SMU1: variants seen among roughly 807,000 people sequenced by gnomAD.
SMU1 encodes the protein SMU1 DNA replication regulator and spliceosomal factor.
Under a neutral mutation model 62.0 loss-of-function variants are expected in SMU1, and 2 were observed. The observed-to-expected ratio is 0.03, with a 90% CI of 0.01 to 0.10. The LOEUF is 0.10. SMU1 is among the 10% of genes least tolerant of loss of function. SMU1 has a pLI of 1.00. For synonymous variants in SMU1, 188 were observed against 212.4 expected (o/e 0.89, Z 1.00); for missense variants, 227 against 622.1 (o/e 0.36, Z 6.76).
intron 5 of SMU1, 86 bp from the exon 6 acceptor site, chr9:33,060,670 C>T: frequency 6.4e-7 from 1 of 1,552,738 alleles, no homozygotes; most frequent in Non-Finnish European, 8.8e-7. Flanking sequence ...AGAAACCCTG[C>T]CCTAGCATAA....
chr9:33,069,372 C>T (rs1055941891), intron 3 of SMU1, among the ~76,000 whole-genome samples: 10 of 152,220 alleles, frequency 6.6e-5, no homozygotes, highest in African/African-American at 2.4e-4. Flanking sequence ...AAATCCTGTC[C>T]TGGTAATCTA....
chr9:33,052,615 A>G (rs915670828), intron 10 of SMU1, among the ~76,000 whole-genome samples: 5 of 152,152 alleles, frequency 3.3e-5, no homozygotes, highest in African/African-American at 1.2e-4. Context: ...TGGGTCCTCA[A>G]ACTTGATGCT....
chr9:33,049,800 T>C (rs917619400), intron 10 of SMU1, among the ~76,000 whole-genome samples: 3 of 119,208 alleles, frequency 2.5e-5, no homozygotes, highest in Non-Finnish European at 3.9e-5. Context: ...AAGTCGGGCA[T>C]GGTGGCACGT....
At chr9:33,050,526 T>TAAAAAAAAAAAA (rs572118083) in intron 10 of SMU1, among the ~76,000 whole-genome samples, 1 of 99,894 alleles carries the variant, frequency 1.0e-5, no homozygotes. Context: ...ATTAAGCACT[T>TAAAAAAAAAAAA]AAAAAAAAAA....
chr9:33,076,438 C>T, intron 1 of SMU1, 145 bp downstream of exon 1: 1 of 995,142 alleles, frequency 1.0e-6, no homozygotes, highest in Non-Finnish European at 1.5e-6. Context: ...TCCGAGGTAG[C>T]GAGATCCAAG....
intron 4 of SMU1, among the ~76,000 whole-genome samples, chr9:33,065,180 T>C (rs940562846): frequency 6.6e-6 from 1 of 152,246 alleles, no homozygotes; most frequent in African/African-American, 2.4e-5. Context: ...CAAGGGCCTA[T>C]ACTGCAAGTT....
chr9:33,073,456 TAC>T, intron 2 of SMU1, 138 bp downstream of exon 2: 1 of 602,224 alleles, frequency 1.7e-6, no homozygotes, highest in Admixed American at 3.1e-5. Flanking sequence ...GGAGAAAAAA[TAC>T]AATGTCAAGC....
intron 6 of SMU1, 97 bp from the exon 7 acceptor site, chr9:33,057,811 A>G: frequency 6.7e-7 from 1 of 1,494,036 alleles, no homozygotes; most frequent in Middle Eastern, 1.8e-4. Context: ...GATTGTACCT[A>G]CTCTAAACCC....
intron 8 of SMU1, among the ~76,000 whole-genome samples, chr9:33,056,469 G>GTGGTAT (rs1362984390): frequency 6.6e-6 from 1 of 152,156 alleles, no homozygotes; most frequent in East Asian, 1.9e-4. Flanking sequence ...ACAAGCTTCT[G>GTGGTAT]TTCAGGGACA....
intron 2 of SMU1, 101 bp from the exon 3 acceptor site, chr9:33,071,993 A>C: frequency 1.7e-6 from 2 of 1,204,086 alleles, no homozygotes; most frequent in Non-Finnish European, 2.2e-6. Flanking sequence ...GGCCTGTCAA[A>C]GGATTTCCAA....
chr9:33,048,298 A>T (rs770231164), intron 10 of SMU1, 40 bp from the exon 11 acceptor site: 2 of 1,610,952 alleles, frequency 1.2e-6, no homozygotes, highest in African/African-American at 1.3e-5. Flanking sequence ...CATCAGGATT[A>T]GTAGCAGCTC....
Position 33,062,256 on chromosome 9 carries a change from G to A in SMU1, c.502-79C>T, listed in dbSNP as rs74679610. ...TCATAAGTGCTCAGAAACCAAGCCC[G>A]AAAGGATGAGGTTCAGAGAAAGCTG... is the stretch of plus-strand genomic sequence containing the variant. On this transcript the variant is annotated intron_variant, in intron 4 of 11. Transcript: ENST00000397149. The A allele has an allele frequency of 8.0e-3, 12,100 of 1,512,170 alleles. 721 individuals are homozygous for A. In the African/African-American group the frequency reaches 0.14, roughly 17 times the overall value. 93.7% of individuals were successfully genotyped at this position (1,512,170 alleles called of 1,614,324 possible).
intron 4 of SMU1, among the ~76,000 whole-genome samples, chr9:33,064,042 A>G (rs1285201438): frequency 6.6e-6 from 1 of 152,050 alleles, no homozygotes; most frequent in Non-Finnish European, 1.5e-5. Flanking sequence ...CTCACCAATT[A>G]GTGAGCTTTA....
chr9:33,060,898 G>A (rs550699681), intron 5 of SMU1, among the ~76,000 whole-genome samples: 1 of 152,188 alleles, frequency 6.6e-6, no homozygotes, highest in African/African-American at 2.4e-5. Context: ...AGACTGTAAT[G>A]TTTTGCTAGA....
chr9:33,065,268 C>G (rs144506240), intron 4 of SMU1, among the ~76,000 whole-genome samples: 1 of 152,140 alleles, frequency 6.6e-6, no homozygotes, highest in Non-Finnish European at 1.5e-5. Flanking sequence ...CTACCCCAGC[C>G]CCCAACAAAT....
At chr9:33,073,269 G>A (rs1407465826) in intron 2 of SMU1, among the ~76,000 whole-genome samples, 1 of 151,756 alleles carries the variant, frequency 6.6e-6, no homozygotes, top group Non-Finnish European at 1.5e-5. Flanking sequence ...GTGGTGGTGC[G>A]TGCCTGTGTT....
In SMU1 at chr9:33,044,042, A is replaced by C. The variant is rs1020047418; in HGVS notation, c.*3251T>G. On this transcript the variant is annotated 3_prime_UTR_variant, in exon 12 of 12. Transcript: ENST00000397149. ...ATACTACTCCCAAATACCTCCGCGC[A>C]ATGTTTTCCAGTCATTAATTCAACA... 2.6e-5 allele frequency: 4 copies of C among 151,402 alleles called. No homozygotes were observed. The highest frequency in any genetic ancestry group is 4.4e-5 in the Non-Finnish European group (3 of 67,902). The allele number at this position is 151,402 out of a possible 1,614,324, so 9.4% of individuals were successfully genotyped here.
intron 4 of SMU1, among the ~76,000 whole-genome samples, chr9:33,065,297 C>T (rs1839407595): frequency 6.6e-6 from 1 of 152,146 alleles, no homozygotes; most frequent in South Asian, 2.1e-4. Context: ...CTTATATTTT[C>T]TACCAAGTCA....
intron 2 of SMU1, 71 bp downstream of exon 2, chr9:33,073,525 G>T: frequency 9.1e-7 from 1 of 1,095,450 alleles, no homozygotes; most frequent in Non-Finnish European, 1.4e-6. Flanking sequence ...AATGCTCACT[G>T]ACGCTTTTTA....
Sources: gnomAD v4.1 joint callset for allele counts (sites outside exome capture counted in the v4.1 genomes callset) on GRCh38, gnomAD v4.1.1 for gene constraint, MANE v1.5 for transcripts, NCBI Gene and HGNC (gene_info 2026-07-23, HGNC 2026-07-21) for gene names.